The following BRD7 variants were observed in gnomAD, a reference collection of about 807,000 sequenced individuals.
The protein encoded by BRD7 is bromodomain containing 7, also known as bromodomain-containing protein 7.
In BRD7, 15 loss-of-function variants were observed where a neutral mutation model predicts 82.1. The observed-to-expected ratio is 0.18, with a 90% CI of 0.12 to 0.28. The LOEUF is 0.28. Ranked by LOEUF, BRD7 falls within the 10% of genes least tolerant of loss-of-function variation. BRD7 has a pLI of 1.00. For missense variants in BRD7, 638 were observed against 779.9 expected (o/e 0.82, Z 2.17); for synonymous variants, 232 against 266.9 (o/e 0.87, Z 1.27).
In BRD7 at chr16:50,317,307, CTT is replaced by C. The variant is rs1241038779; in HGVS notation, c.*1902_*1903del. The C allele has an allele frequency of 1.3e-5, 2 of 152,558 alleles. No homozygotes were observed. The highest frequency in any genetic ancestry group is 2.9e-5 in the Non-Finnish European group (2 of 68,034). 9.5% of individuals were successfully genotyped at this position (152,558 alleles called of 1,614,324 possible). On this transcript the variant is annotated 3_prime_UTR_variant, in exon 17 of 17. Transcript: ENST00000394688. ...AAGTTGCCTTTTTTACACACCAAAA[CTT>C]TTTACATGAAGGGCTGGTTTCACAT... is the stretch of plus-strand genomic sequence containing the variant.
chr16:50,329,675 G>A (rs2037478948), intron 8 of BRD7, among the ~76,000 whole-genome samples: 1 of 152,142 alleles, frequency 6.6e-6, no homozygotes, highest in South Asian at 2.1e-4. Context: ...TCGCACTGTG[G>A]TCAGGAAGGG....
Position 50,368,318 on chromosome 16 carries a change from A to AGAAAG in BRD7, c.50-25_50-21dup, listed in dbSNP as rs763792805. 6.2e-7 allele frequency: 1 copy of AGAAAG among 1,606,178 alleles called. No individual in the cohort carries two copies. The highest frequency in any genetic ancestry group is 1.1e-5 in the South Asian group (1 of 90,518). On this transcript the variant is annotated intron_variant, in intron 1 of 16. Coordinates refer to ENST00000394688, the MANE Select transcript of BRD7 (RefSeq NM_013263.5). ...CATACTCTTAAAAAAAGAAAAGAAA[A>AGAAAG]GAAAGGAAAGCGCGTCGATTAAAAT... is the stretch of plus-strand genomic sequence containing the variant.
chr16:50,325,493 T>C (rs373624316), intron 11 of BRD7, among the ~76,000 whole-genome samples: 23 of 152,330 alleles, frequency 1.5e-4, no homozygotes, highest in Admixed American at 1.2e-3. Flanking sequence ...ACTTTAGTAC[T>C]GGCTGAGGTA....
chr16:50,321,702 G>C (rs900313928), intron 13 of BRD7, among the ~76,000 whole-genome samples: 11 of 151,762 alleles, frequency 7.2e-5, no homozygotes, highest in Admixed American at 3.9e-4. Flanking sequence ...AAAAGCTAAT[G>C]GTTCCATTTA....
At chr16:50,354,278 C>G in intron 4 of BRD7, 147 bp downstream of exon 4, 1 of 627,900 alleles carries the variant, frequency 1.6e-6, no homozygotes, top group Non-Finnish European at 2.7e-6. Context: ...GTTAGCCTAG[C>G]CTCTTGGAGT....
intron 5 of BRD7, among the ~76,000 whole-genome samples, chr16:50,342,455 C>CTTTTTTTTTTT (rs34093559): frequency 9.7e-6 from 1 of 102,952 alleles, no homozygotes; most frequent in Non-Finnish European, 1.8e-5. Context: ...AAGACACTGT[C>CTTTTTTTTTTT]TTTTTTTTTT....
chr16:50,332,323 GC>G (rs1053527965), intron 8 of BRD7, among the ~76,000 whole-genome samples: 4 of 152,116 alleles, frequency 2.6e-5, no homozygotes, highest in African/African-American at 9.6e-5. Context: ...CAAACAAATA[GC>G]CCCATTAAAA....
At chr16:50,320,138 G>A in intron 15 of BRD7, 108 bp from the exon 16 acceptor site, 1 of 1,490,718 alleles carries the variant, frequency 6.7e-7, no homozygotes. Flanking sequence ...CAAAAAAACT[G>A]TCCCTGGGAT....
chr16:50,354,801 T>A lies in BRD7; in HGVS notation c.380A>T (p.Lys127Ile). 1 of 1,610,966 alleles carries A rather than the reference T, an allele frequency of 6.2e-7. No homozygotes were observed. Among genetic ancestry groups the A allele is most frequent in the Non-Finnish European group, 8.5e-7 (1 of 1,179,568 alleles). The change falls in exon 3 of 17, where the codon AAA becomes ATA. Residue 127 changes from lysine to isoleucine, a missense_variant. Physicochemically the swap from Lys to Ile is moderately radical, Grantham distance 102 (BLOSUM62 -3). This residue lies in a region of BRD7 where 172 missense variants were observed against 155.3 expected (regional missense o/e 1.11). Transcript: ENST00000394688. The stretch of plus-strand genomic sequence containing the variant: ...TTCAGAGTTATTCCAACCTTCTTGT[T>A]TGGCTAAAGAGCTTGTGAGAGGCTT... Reference protein sequence around the residue: ...PEKPLTSSLAKQEEVEQTPLQ... With the variant: ...PEKPLTSSLAIQEEVEQTPLQ...
chr16:50,356,697 C>T (rs2038745288), intron 2 of BRD7, among the ~76,000 whole-genome samples: 1 of 139,782 alleles, frequency 7.2e-6, no homozygotes, highest in African/African-American at 2.7e-5. Context: ...TCTGTCTGCC[C>T]TCTTCTTTCC....
intron 2 of BRD7, among the ~76,000 whole-genome samples, chr16:50,366,729 C>G (rs1213123327): frequency 1.3e-5 from 2 of 152,084 alleles, no homozygotes; most frequent in Admixed American, 6.5e-5. Flanking sequence ...CAGAGTGGAG[C>G]AGCAGCCTGC....
intron 6 of BRD7, among the ~76,000 whole-genome samples, chr16:50,335,368 G>A (rs938026817): frequency 4.6e-5 from 7 of 152,200 alleles, no homozygotes; most frequent in African/African-American, 1.7e-4. Flanking sequence ...ATTTCACTCT[G>A]TGTGAAAACA....
Position 50,323,596 on chromosome 16 carries a change from C to T in BRD7, c.1434G>A (p.Glu478=). The T allele has an allele frequency of 6.2e-7, 1 of 1,607,410 alleles. No individual in the cohort carries two copies. Among genetic ancestry groups the T allele is most frequent in the Non-Finnish European group, 8.5e-7 (1 of 1,174,032 alleles). The change falls in exon 12 of 17, where the codon GAG becomes GAA. Residue 478 remains glutamate (E), a synonymous_variant. Transcript: ENST00000394688. ...TKGGHSRTLQ[E]MEMSLPEDEG... is the part of the protein sequence containing the mutation. Reference sequence around the variant, plus strand: ...TTAGCAGTGTTCTTACCATCTCCATCTCTTGTAGGGTCCTGGAATGCCCTC... The same window carrying T: ...TTAGCAGTGTTCTTACCATCTCCATTTCTTGTAGGGTCCTGGAATGCCCTC...
In BRD7 at chr16:50,359,340, G is replaced by A. The variant is rs1413640791; in HGVS notation, c.259-4418C>T. Among the ~76,000 whole-genome samples the A allele has an allele frequency of 2.0e-5, 3 of 152,102 alleles. No homozygotes were observed. The East Asian group carries it at 5.8e-4, about 29-fold the overall frequency. On this transcript the variant is annotated intron_variant, in intron 2 of 16. Coordinates refer to ENST00000394688, the MANE Select transcript of BRD7 (RefSeq NM_013263.5). The stretch of plus-strand genomic sequence containing the variant: ...ACTATATAATTTTTTGGAGTCTAAC[G>A]TTCTAATCTTTAAAATAGACACAAG...
At chr16:50,352,459 T>C (rs2038567188) in intron 4 of BRD7, among the ~76,000 whole-genome samples, 1 of 152,222 alleles carries the variant, frequency 6.6e-6, no homozygotes, top group Non-Finnish European at 1.5e-5. Context: ...GATGGGCACT[T>C]AGACTGATTC....
intron 5 of BRD7, among the ~76,000 whole-genome samples, chr16:50,347,532 T>C (rs2151183073): frequency 6.6e-6 from 1 of 152,284 alleles, no homozygotes; most frequent in Admixed American, 6.5e-5. Flanking sequence ...GCCCAAAATC[T>C]CCTTAAGCTG....
At chr16:50,335,548 G>A (rs532323439) in intron 6 of BRD7, among the ~76,000 whole-genome samples, 6 of 152,206 alleles carry the variant, frequency 3.9e-5, no homozygotes, top group Non-Finnish European at 7.3e-5. Context: ...AGGTTTCTCC[G>A]TAAATTTTAA....
intron 5 of BRD7, among the ~76,000 whole-genome samples, chr16:50,341,370 G>C (rs2151171323): frequency 6.6e-6 from 1 of 152,258 alleles, no homozygotes; most frequent in Admixed American, 6.5e-5. Flanking sequence ...GCTGGGCATA[G>C]TGGCTCACCC....
intron 5 of BRD7, chr16:50,349,461 C>T: frequency 2.3e-6 from 1 of 435,252 alleles, no homozygotes; most frequent in Non-Finnish European, 4.6e-6. Flanking sequence ...CTTCCCCCTT[C>T]ACTCTCTCCT....
Sources: gnomAD v4.1 joint callset for allele counts (sites outside exome capture counted in the v4.1 genomes callset) on GRCh38, gnomAD v4.1.1 for gene constraint, gnomAD v4.1.1 regional missense constraint, MANE v1.5 for transcripts, NCBI Gene and HGNC (gene_info 2026-07-23, HGNC 2026-07-21) for gene names.